VEGFC: variants seen among roughly 807,000 people sequenced by gnomAD.
The protein encoded by VEGFC is FLT4 ligand DHM.
VEGFC carries 12 observed loss-of-function variants against 46.1 expected under a neutral mutation model. That is an observed-to-expected ratio of 0.26 (90% confidence interval 0.17 to 0.42). VEGFC has a LOEUF of 0.42. Among genes scored for constraint, VEGFC ranks in the 10% least tolerant of loss-of-function variants. The pLI is 1.00. For synonymous variants in VEGFC, 232 were observed against 195.5 expected (o/e 1.19, Z -1.56); for missense variants, 488 against 529.4 (o/e 0.92, Z 0.77).
At chr4:176,771,422 A>G (rs1409063904) in intron 1 of VEGFC, among the ~76,000 whole-genome samples, 1 of 152,212 alleles carries the variant, frequency 6.6e-6, no homozygotes, top group African/African-American at 2.4e-5. Context: ...ACCAAAAAAA[A>G]TTGTTTAACA....
At chr4:176,749,082 CTG>C (rs1735301508) in intron 1 of VEGFC, among the ~76,000 whole-genome samples, 1 of 151,992 alleles carries the variant, frequency 6.6e-6, no homozygotes, top group East Asian at 1.9e-4. Flanking sequence ...CTAACAAAGA[CTG>C]AGAGTGAATG....
chr4:176,787,939 T>C (rs548071123), intron 1 of VEGFC, among the ~76,000 whole-genome samples: 3 of 152,350 alleles, frequency 2.0e-5, no homozygotes, highest in South Asian at 2.1e-4. Flanking sequence ...CATACAAATA[T>C]GTGTTTGTAA....
At chr4:176,777,855 C>T (rs1466439284) in intron 1 of VEGFC, among the ~76,000 whole-genome samples, 1 of 125,218 alleles carries the variant, frequency 8.0e-6, no homozygotes, top group African/African-American at 3.0e-5. Flanking sequence ...GGAGGTGGAG[C>T]TTGCAGTGAG....
rs140063592 is a variant in VEGFC, at chr4:176,789,507, A to G, written c.147+2658T>C. On this transcript the variant is annotated intron_variant, in intron 1 of 6. Coordinates refer to ENST00000618562, the MANE Select transcript of VEGFC (RefSeq NM_005429.5). ...CTCAGAGGAATGTCAGAAATCTCTTATAAGAGTAGATGTTGACAAACATAA... is the reference window on the plus strand; with the variant it reads ...CTCAGAGGAATGTCAGAAATCTCTTGTAAGAGTAGATGTTGACAAACATAA... 1.1e-3 allele frequency among the ~76,000 whole-genome samples: 170 copies of G among 152,376 alleles called. 2 individuals are homozygous for G. The East Asian group carries it at 0.03, about 27-fold the overall frequency.
At chr4:176,690,277 G>C (rs1421692371) in intron 4 of VEGFC, among the ~76,000 whole-genome samples, 2 of 150,832 alleles carry the variant, frequency 1.3e-5, no homozygotes, top group Non-Finnish European at 1.5e-5. Flanking sequence ...TCAGAGTTAA[G>C]ACTATGAGAA....
At chr4:176,744,260 T>C (rs951520918) in intron 1 of VEGFC, among the ~76,000 whole-genome samples, 12 of 151,992 alleles carry the variant, frequency 7.9e-5, no homozygotes, top group Non-Finnish European at 1.3e-4. Flanking sequence ...GTCTCCAATT[T>C]ATAAACATAA....
chr4:176,755,833 C>T (rs1735423920), intron 1 of VEGFC, among the ~76,000 whole-genome samples: 1 of 151,968 alleles, frequency 6.6e-6, no homozygotes, highest in Non-Finnish European at 1.5e-5. Flanking sequence ...AGGTTGATGA[C>T]TCATCTAAAC....
chr4:176,702,929 T>C (rs1734459445), intron 4 of VEGFC, among the ~76,000 whole-genome samples: 1 of 152,166 alleles, frequency 6.6e-6, no homozygotes, highest in African/African-American at 2.4e-5. Flanking sequence ...CTGTAAAACA[T>C]AATGTCAAGA....
intron 1 of VEGFC, among the ~76,000 whole-genome samples, chr4:176,740,367 TC>T (rs543044699): frequency 3.3e-5 from 4 of 121,230 alleles, no homozygotes; most frequent in African/African-American, 1.3e-4. Context: ...TTATATATAT[TC>T]TATATATAGT....
intron 1 of VEGFC, among the ~76,000 whole-genome samples, chr4:176,782,304 A>C (rs917208599): frequency 3.3e-5 from 5 of 152,024 alleles, no homozygotes; most frequent in African/African-American, 4.8e-5. Context: ...TTCTACAAAA[A>C]ATTTTAAAAA....
At chr4:176,769,021 T>C (rs1735679772) in intron 1 of VEGFC, among the ~76,000 whole-genome samples, 1 of 151,990 alleles carries the variant, frequency 6.6e-6, no homozygotes, top group African/African-American at 2.4e-5. Flanking sequence ...TGGGAGATGA[T>C]GAGGTCATGA....
chr4:176,722,975 G>GA (rs1734814177), intron 3 of VEGFC, among the ~76,000 whole-genome samples: 1 of 152,106 alleles, frequency 6.6e-6, no homozygotes, highest in African/African-American at 2.4e-5. Flanking sequence ...AATGGTCACA[G>GA]AAAAAACTCA....
At chr4:176,698,464 A>T (rs1734364587) in intron 4 of VEGFC, among the ~76,000 whole-genome samples, 1 of 152,158 alleles carries the variant, frequency 6.6e-6, no homozygotes, top group African/African-American at 2.4e-5. Flanking sequence ...TTATTGAAGT[A>T]TGATTGATAA....
chr4:176,740,794 C>T (rs1184856099), intron 1 of VEGFC, among the ~76,000 whole-genome samples: 3 of 151,468 alleles, frequency 2.0e-5, no homozygotes, highest in African/African-American at 4.8e-5. Flanking sequence ...CACATTTGTC[C>T]GAAGTTCAGG....
intron 3 of VEGFC, among the ~76,000 whole-genome samples, chr4:176,721,185 G>T (rs1317899501): frequency 6.6e-6 from 1 of 152,130 alleles, no homozygotes; most frequent in African/African-American, 2.4e-5. Flanking sequence ...GGACACTTAG[G>T]TAGCATCCAG....
intron 1 of VEGFC, among the ~76,000 whole-genome samples, chr4:176,773,865 T>C (rs1353520499): frequency 6.6e-6 from 1 of 152,116 alleles, no homozygotes; most frequent in African/African-American, 2.4e-5. Context: ...TCATTTTTAT[T>C]TTTTATTTTT....
chr4:176,783,922 CAT>C (rs1407836675), intron 1 of VEGFC, among the ~76,000 whole-genome samples: 1 of 152,146 alleles, frequency 6.6e-6, no homozygotes, highest in Non-Finnish European at 1.5e-5. Context: ...ACAGTTATGT[CAT>C]ATGTCTAGGA....
intron 3 of VEGFC, among the ~76,000 whole-genome samples, chr4:176,725,859 T>G (rs1180904865): frequency 6.6e-6 from 1 of 152,114 alleles, no homozygotes; most frequent in East Asian, 1.9e-4. Context: ...ATTATTAATA[T>G]GTTTTAAAAA....
rs138015367 is a variant in VEGFC at position 176,736,078 on chromosome 4, C to A, written c.148-6332G>T. 2.6e-3 allele frequency among the ~76,000 whole-genome samples: 388 copies of A among 151,866 alleles called. 3 individuals carry two copies. Among genetic ancestry groups the A allele is most frequent in the African/African-American group, 8.9e-3 (368 of 41,500 alleles). ...GAAGCCCCACCTCGAAGACCCACCT[C>A]CTCCATGGAATCTAGACCTAAAAAG... On this transcript the variant is annotated intron_variant, in intron 1 of 6. Coordinates refer to ENST00000618562, the MANE Select transcript of VEGFC (RefSeq NM_005429.5).
Sources: gnomAD v4.1 joint callset for allele counts (sites outside exome capture counted in the v4.1 genomes callset) on GRCh38, gnomAD v4.1.1 for gene constraint, MANE v1.5 for transcripts, NCBI Gene and HGNC (gene_info 2026-07-23, HGNC 2026-07-21) for gene names.